Variants in XPO1 observed in about 807,000 individuals in gnomAD.
XPO1 encodes exportin 1, also known as exportin-1.
XPO1 carries 5 observed loss-of-function variants against 133.3 expected under a neutral mutation model. The observed-to-expected ratio is 0.04, with a 90% confidence interval of 0.02 to 0.08. The LOEUF is 0.08. Among genes scored for constraint, XPO1 ranks in the 10% least tolerant of loss-of-function variants. The pLI is 1.00. For missense variants in XPO1, 506 were observed against 1,267.5 expected (o/e 0.40, Z 9.12); for synonymous variants, 419 against 408.2 (o/e 1.03, Z -0.32).
In XPO1 at chr2:61,495,611, C is replaced by A; in HGVS notation, c.891G>T (p.Met297Ile). 6.4e-7 allele frequency: 1 copy of A among 1,551,562 alleles called. No homozygotes were observed. ...GTCGAATATTGGTATTTAAAGGAAG[C>A]ATCTGCAAATTTTAAAAGGGACGAT... ...FTLTMMQLKQ[M>I]LPLNTNIRLA... Residue 297 changes from methionine to isoleucine, a missense_variant and splice_region_variant, in exon 11 of 25, where the codon ATG becomes ATT. This residue lies in a region of XPO1 where 134 missense variants were observed against 261.6 expected (regional missense o/e 0.51). Transcript: ENST00000401558.
At chr2:61,515,937 C>CCACACACACACA (rs35237510) in intron 4 of XPO1, among the ~76,000 whole-genome samples, 138 of 110,770 alleles carry the variant, frequency 1.2e-3, no homozygotes, top group African/African-American at 4.8e-3. Flanking sequence ...AAAAAAAAAA[C>CCACACACACACA]CACACACACA....
rs1386348271 is a variant in XPO1, at chr2:61,492,599, C to G, written c.1534G>C (p.Asp512His). 1 of 1,611,310 alleles carries G rather than the reference C, an allele frequency of 6.2e-7. No individual in the cohort carries two copies. ...GSISGAMHEE[D>H]EKRFLVTVIK... The stretch of plus-strand genomic sequence containing the variant: ...ACAGTAACAAGAAATCGTTTTTCGT[C>G]CTCTTCATGCATTGCTCCACTAATG... Residue 512 changes from aspartate to histidine, a missense_variant, in exon 14 of 25, where the codon GAC becomes CAC. Physicochemically the swap from Asp to His is moderately conservative, Grantham distance 81. Coordinates refer to ENST00000401558, the MANE Select transcript of XPO1 (RefSeq NM_003400.4). This position sits in a 1 kb window ranked among gnomAD's most constrained non-coding sequence, Gnocchi z 5.6.
intron 1 of XPO1, 91 bp downstream of exon 1, chr2:61,537,471 G>GCCGCCGCCGCCGCGCCCCACGC (rs1278554007): frequency 1.4e-5 from 2 of 146,976 alleles, no homozygotes; most frequent in African/African-American, 2.5e-5. Flanking sequence ...GCTTCCCGCG[G>GCCGCCGCCGCCGCGCCCCACGC]CCGCCGCCGC....
chr2:61,495,377 C>T (rs1697196062), intron 11 of XPO1, 78 bp downstream of exon 11: 2 of 1,141,806 alleles, frequency 1.8e-6, no homozygotes, highest in East Asian at 5.3e-5. Flanking sequence ...AAGGTACATA[C>T]ATTTTAGAAA....
At chr2:61,483,883 T>C in intron 21 of XPO1, 54 bp downstream of exon 21, 1 of 1,570,010 alleles carries the variant, frequency 6.4e-7, no homozygotes, top group Non-Finnish European at 8.7e-7. Flanking sequence ...CAATTAACTA[T>C]ATTTGTATTT....
chr2:61,505,914 C>T (rs1697786737), intron 4 of XPO1, among the ~76,000 whole-genome samples: 1 of 152,158 alleles, frequency 6.6e-6, no homozygotes, highest in Admixed American at 6.6e-5. Context: ...GTCCTTAATG[C>T]TCACTACATC....
chr2:61,487,250 G>A (rs1696740623), intron 19 of XPO1, among the ~76,000 whole-genome samples: 1 of 152,044 alleles, frequency 6.6e-6, no homozygotes, highest in Non-Finnish European at 1.5e-5. Context: ...TGTTACAAAA[G>A]ATGATACCCT....
chr2:61,514,275 G>A (rs1487733550), intron 4 of XPO1, among the ~76,000 whole-genome samples: 1 of 151,832 alleles, frequency 6.6e-6, no homozygotes, highest in Non-Finnish European at 1.5e-5. Flanking sequence ...GATATGTGAT[G>A]GAACACAGAA....
chr2:61,494,928 G>C (rs1697171748), intron 11 of XPO1, among the ~76,000 whole-genome samples: 1 of 151,778 alleles, frequency 6.6e-6, no homozygotes, highest in Admixed American at 6.6e-5. Flanking sequence ...TGCAACCTCA[G>C]CCTACTGGGC....
At chr2:61,506,686 C>CAAATAAAT (rs202036818) in intron 4 of XPO1, among the ~76,000 whole-genome samples, 2,208 of 149,498 alleles carry the variant, frequency 0.015, 39 homozygotes, top group African/African-American at 0.038. Flanking sequence ...GACTCCACCT[C>CAAATAAAT]AAATAAATAA....
intron 18 of XPO1, 127 bp downstream of exon 18, chr2:61,488,461 T>C (rs1696801437): frequency 8.5e-7 from 1 of 1,172,586 alleles, no homozygotes; most frequent in Non-Finnish European, 1.2e-6. Context: ...TTTAAATATG[T>C]CTAGGGTCAT....
rs1275437854 is a variant in XPO1 at position 61,537,871 on chromosome 2, A to T, written c.-316T>A. The T allele has an allele frequency of 6.4e-6, 1 of 155,786 alleles. No individual in the cohort carries two copies. The highest frequency in any genetic ancestry group is 1.4e-5 in the Non-Finnish European group (1 of 70,978). The allele number at this position is 155,786 out of a possible 1,614,324, so 9.7% of individuals were successfully genotyped here. A position where few individuals can be genotyped will look rare whatever the true frequency, so the allele number is the denominator to read the frequency against. ...GAGGGAAGGGGGAGGGAACGGGGTC[A>T]AGTCCCAAAGATTCAGCCCCAGGGG... On this transcript the variant is annotated 5_prime_UTR_variant, in exon 1 of 25. Transcript: ENST00000401558.
At chr2:61,521,805 G>C (rs941636820) in intron 4 of XPO1, among the ~76,000 whole-genome samples, 1 of 152,036 alleles carries the variant, frequency 6.6e-6, no homozygotes, top group Non-Finnish European at 1.5e-5. Context: ...GCCCAGGCTA[G>C]AGTACAGTGG....
At chr2:61,525,161 C>T in intron 3 of XPO1, 1 of 567,724 alleles carries the variant, frequency 1.8e-6, no homozygotes, top group Non-Finnish European at 2.2e-6. Context: ...CTACTGAGCC[C>T]TTAGAAATAC....
chr2:61,497,188 C>G (rs1453304862), intron 9 of XPO1, among the ~76,000 whole-genome samples, 181 bp from the exon 10 acceptor site: 1 of 152,074 alleles, frequency 6.6e-6, no homozygotes, highest in South Asian at 2.1e-4. Flanking sequence ...TTATTGCCTA[C>G]CTAGTATACA....
chr2:61,482,033 CCTTTTTTT>C lies in XPO1; in HGVS notation c.2972+339_2972+346del, dbSNP rs1314032186. On this transcript the variant is annotated intron_variant, in intron 23 of 24. Coordinates refer to ENST00000401558, the MANE Select transcript of XPO1 (RefSeq NM_003400.4). ...TACAGTCATGAGCCACCGTGCGTGG[CCTTTTTTT>C]TTTTTTTTTTTTTTTTGCTTTTTTA... 1.1e-3 allele frequency among the ~76,000 whole-genome samples: 92 copies of C among 86,834 alleles called. 3 individuals carry two copies. Among genetic ancestry groups the C allele is most frequent in the Admixed American group, 1.9e-3 (14 of 7,388 alleles). The allele number at this position is 86,834 out of a possible 152,430, so 57.0% of individuals were successfully genotyped here.
intron 17 of XPO1, among the ~76,000 whole-genome samples, 189 bp from the exon 18 acceptor site, chr2:61,488,960 G>T (rs1030688991): frequency 6.6e-6 from 1 of 152,118 alleles, no homozygotes; most frequent in Non-Finnish European, 1.5e-5. Context: ...AAAATAGCCA[G>T]GCGTGGTGGC....
chr2:61,488,526 A>T, intron 18 of XPO1, 62 bp downstream of exon 18: 1 of 1,496,212 alleles, frequency 6.7e-7, no homozygotes, highest in Non-Finnish European at 9.1e-7. Flanking sequence ...TGTTTGACTT[A>T]AGGCAGTAGA....
intron 17 of XPO1, among the ~76,000 whole-genome samples, chr2:61,490,292 G>A (rs530927295): frequency 6.6e-6 from 1 of 150,522 alleles, no homozygotes; most frequent in Non-Finnish European, 1.5e-5. Context: ...TCTGCCTCTT[G>A]GGTTCAAGTG....
Sources: gnomAD v4.1 joint callset for allele counts (sites outside exome capture counted in the v4.1 genomes callset) on GRCh38, gnomAD v4.1.1 for gene constraint, gnomAD v4.1.1 regional missense constraint, Gnocchi (gnomAD v3.1) non-coding constraint, MANE v1.5 for transcripts, NCBI Gene and HGNC (gene_info 2026-07-23, HGNC 2026-07-21) for gene names.